The following ST13 variants were observed in gnomAD, a reference collection of about 807,000 sequenced individuals.
ST13 encodes the protein hsc70-interacting protein.
In ST13, 23 loss-of-function variants were observed where a neutral mutation model predicts 56.7. The ratio of observed to expected loss-of-function variants is 0.41; its 90% confidence interval spans 0.29 to 0.57. ST13 has a LOEUF of 0.57. ST13 is among the 20% of genes least tolerant of loss of function. The pLI is 0.36. For missense variants in ST13, 369 were observed against 459.9 expected, an observed-to-expected ratio of 0.80 and a Z score of 1.81; for synonymous variants, 132 against 142.4, an observed-to-expected ratio of 0.93 and a Z score of 0.52.
intron 3 of ST13, among the ~76,000 whole-genome samples, chr22:40,845,923 G>A (rs928601251): frequency 1.3e-5 from 2 of 152,028 alleles, no homozygotes; most frequent in African/African-American, 4.8e-5. Context: ...TGTACAATGC[G>A]ATGTTTTAAC....
intron 3 of ST13, among the ~76,000 whole-genome samples, chr22:40,847,384 A>T (rs1815299400): frequency 6.6e-6 from 1 of 151,278 alleles, no homozygotes; most frequent in Non-Finnish European, 1.5e-5. Context: ...TCTACAAAAA[A>T]AAAAAAATAC....
intron 5 of ST13, 54 bp downstream of exon 5, chr22:40,840,572 T>C: frequency 1.3e-6 from 2 of 1,484,904 alleles, no homozygotes; most frequent in Non-Finnish European, 1.9e-6. Flanking sequence ...ACTATTTAAG[T>C]TACTGCAATA....
At chr22:40,842,865 A>G (rs2057811186) in intron 4 of ST13, among the ~76,000 whole-genome samples, 1 of 152,234 alleles carries the variant, frequency 6.6e-6, no homozygotes, top group South Asian at 2.1e-4. Flanking sequence ...AATGCACAAG[A>G]CTTACGTCAG....
intron 5 of ST13, among the ~76,000 whole-genome samples, chr22:40,836,266 C>T (rs2057776793): frequency 6.6e-6 from 1 of 152,122 alleles, no homozygotes; most frequent in African/African-American, 2.4e-5. Context: ...CTGGCTAACA[C>T]GGTGAAACTC....
chr22:40,828,927 TCTC>T (rs2057741457), intron 10 of ST13, among the ~76,000 whole-genome samples: 1 of 152,178 alleles, frequency 6.6e-6, no homozygotes. Flanking sequence ...CAGAAAATTC[TCTC>T]TAGTACTAGC....
chr22:40,836,670 GA>G (rs756285921), intron 5 of ST13, among the ~76,000 whole-genome samples: 2 of 152,110 alleles, frequency 1.3e-5, no homozygotes, highest in Non-Finnish European at 2.9e-5. Flanking sequence ...AAAAATTCAA[GA>G]AAACTAGAAT....
At chr22:40,829,708 A>T in intron 9 of ST13, 34 bp from the exon 10 acceptor site, 1 of 1,242,892 alleles carries the variant, frequency 8.0e-7, no homozygotes, top group South Asian at 1.8e-5. Context: ...TATATAATAG[A>T]AGAAGAAATA....
chr22:40,847,818 G>A (rs947009062), intron 3 of ST13, among the ~76,000 whole-genome samples: 4 of 152,142 alleles, frequency 2.6e-5, no homozygotes, highest in African/African-American at 4.8e-5. Context: ...GGAGGCCAAG[G>A]TGGGTGGATC....
chr22:40,827,328 T>C (rs1256768623), intron 10 of ST13, 99 bp from the exon 11 acceptor site: 5 of 1,280,528 alleles, frequency 3.9e-6, no homozygotes, highest in Non-Finnish European at 5.6e-6. Flanking sequence ...TGGGTGCCAC[T>C]AAGCACAAAG....
intron 5 of ST13, among the ~76,000 whole-genome samples, chr22:40,839,004 T>C (rs1602655250): frequency 6.6e-6 from 1 of 152,136 alleles, no homozygotes; most frequent in African/African-American, 2.4e-5. Context: ...GGCAGGTCTA[T>C]AATCCTCTGA....
chr22:40,835,537 A>C, intron 7 of ST13, 23 bp downstream of exon 7: 1 of 1,576,146 alleles, frequency 6.3e-7, no homozygotes. Flanking sequence ...GAGTTCTGAA[A>C]ATAATTAAAT....
At chr22:40,836,980 T>TTAAAA (rs2057780467) in intron 5 of ST13, among the ~76,000 whole-genome samples, 9 of 152,160 alleles carry the variant, frequency 5.9e-5, no homozygotes, top group Non-Finnish European at 1.3e-4. Flanking sequence ...TAAACCTGGC[T>TTAAAA]AATTAAAAAA....
intron 9 of ST13, among the ~76,000 whole-genome samples, chr22:40,830,422 G>A (rs889721105): frequency 2.0e-5 from 3 of 152,164 alleles, no homozygotes; most frequent in Non-Finnish European, 4.4e-5. Context: ...AGCCTCCCAA[G>A]AGCTGGGACT....
Position 40,825,231 on chromosome 22 carries a change from G to A in ST13, c.*1307C>T, listed in dbSNP as rs1280085886. ...ACACTATTTAAGAGCTGAATACAAA[G>A]ACAATGAGTCTTTCATAGTCTCAAC... On this transcript the variant is annotated 3_prime_UTR_variant, in exon 12 of 12. Coordinates refer to ENST00000216218, the MANE Select transcript of ST13 (RefSeq NM_003932.5). 6.6e-6 allele frequency: 1 copy of A among 152,064 alleles called. No individual in the cohort carries two copies. The highest frequency in any genetic ancestry group is 2.4e-5 in the African/African-American group (1 of 41,404). The allele number at this position is 152,064 out of a possible 1,614,324, so 9.4% of individuals were successfully genotyped here.
intron 1 of ST13, among the ~76,000 whole-genome samples, chr22:40,855,359 G>A (rs2057884963): frequency 6.6e-6 from 1 of 152,192 alleles, no homozygotes; most frequent in South Asian, 2.1e-4. Flanking sequence ...TGATGCAGGA[G>A]GATCGCTTGT....
intron 5 of ST13, 65 bp from the exon 6 acceptor site, chr22:40,835,952 T>C: frequency 8.0e-7 from 1 of 1,254,920 alleles, no homozygotes. Flanking sequence ...AAAGTTTTGA[T>C]CTGTTATCCA....
intron 8 of ST13, among the ~76,000 whole-genome samples, chr22:40,831,174 G>A (rs1164856166): frequency 6.6e-6 from 1 of 152,228 alleles, no homozygotes; most frequent in Non-Finnish European, 1.5e-5. Context: ...GGGATTTGAA[G>A]TTAGAAATGT....
At chr22:40,840,149 C>CA (rs1381818315) in intron 5 of ST13, among the ~76,000 whole-genome samples, 2 of 151,982 alleles carry the variant, frequency 1.3e-5, no homozygotes, top group East Asian at 3.9e-4. Flanking sequence ...GAATCCGTCT[C>CA]AAAAAAACCA....
chr22:40,831,843 T>C (rs2057755281), intron 8 of ST13, among the ~76,000 whole-genome samples: 1 of 152,156 alleles, frequency 6.6e-6, no homozygotes, highest in Admixed American at 6.6e-5. Flanking sequence ...ATTATTATTT[T>C]TAAAAGATTG....
Sources: allele counts gnomAD v4.1 joint callset (sites outside exome capture counted in the v4.1 genomes callset), GRCh38; gene constraint gnomAD v4.1.1; transcripts MANE v1.5; gene names NCBI Gene and HGNC (gene_info 2026-07-23, HGNC 2026-07-21).